The following NNMT variants were observed in gnomAD, a reference collection of about 807,000 sequenced individuals.
The protein encoded by NNMT is nicotinamide N-methyltransferase.
Under a neutral mutation model 11.7 loss-of-function variants are expected in NNMT, and 10 were observed. The ratio of observed to expected loss-of-function variants is 0.85; its 90% confidence interval spans 0.53 to 1.45. The LOEUF (loss-of-function observed/expected upper bound fraction) is 1.45, where lower values mean the gene tolerates loss of function less well. Among genes scored for constraint, NNMT ranks in the 40% most tolerant of loss-of-function variants. NNMT has a pLI of 0.00. For missense variants in NNMT, 381 were observed against 319.4 expected (o/e 1.19, Z -1.47); for synonymous variants, 143 against 133.8 (o/e 1.07, Z -0.48).
chr11:114,276,066 C>T (rs1035062047), intron 2 of NNMT, among the ~76,000 whole-genome samples: 1 of 152,090 alleles, frequency 6.6e-6, no homozygotes. Context: ...GCAGTCCTGC[C>T]CCTGGCCGAC....
At chr11:114,295,692 G>A (rs1277650976), upstream of NNMT, 1 of 152,274 alleles carries the variant, frequency 6.6e-6, no homozygotes, top group East Asian at 1.9e-4. Context: ...GCCTCCCAAA[G>A]TGCTGGGATT....
chr11:114,281,674 A>G (rs1945264515), intron 2 of NNMT, among the ~76,000 whole-genome samples: 1 of 152,146 alleles, frequency 6.6e-6, no homozygotes, highest in Non-Finnish European at 1.5e-5. Context: ...AACCATTTTA[A>G]TAGATACACA....
intron 2 of NNMT, among the ~76,000 whole-genome samples, chr11:114,307,382 C>T (rs1404127597): frequency 6.6e-6 from 1 of 152,160 alleles, no homozygotes; most frequent in Non-Finnish European, 1.5e-5. Flanking sequence ...CCATATCTAA[C>T]TTAACATCAA....
intron 2 of NNMT, among the ~76,000 whole-genome samples, chr11:114,270,073 G>GT (rs1474552705): frequency 6.6e-6 from 1 of 151,884 alleles, no homozygotes; most frequent in Non-Finnish European, 1.5e-5. Flanking sequence ...AGAGTCTTTT[G>GT]TTTTTGTAAT....
intron 2 of NNMT, 121 bp downstream of exon 2, chr11:114,298,279 C>A: frequency 2.5e-6 from 2 of 811,780 alleles, no homozygotes; most frequent in Non-Finnish European, 3.9e-6. Context: ...AACGAGAGAG[C>A]GAGAGCAAGA....
At chr11:114,292,273 G>A (rs965873689), upstream of NNMT, among the ~76,000 whole-genome samples, 2 of 152,178 alleles carry the variant, frequency 1.3e-5, no homozygotes, top group African/African-American at 4.8e-5. Flanking sequence ...GGAAAAGGGT[G>A]TATCTTGAGA....
At position 114,259,853 on chromosome 11, in the gene NNMT, C is replaced by T. The variant is rs117981081; in HGVS notation, c.-217+1975C>T. On this transcript the variant is annotated intron_variant, in intron 1 of 4. Transcript: ENST00000535401. Reference sequence around the variant, plus strand: ...ATAGCAAAGCCACGCTGCGTTCAGCCGCTCCCAACTGTACACCGGCTGGCT... The same window carrying T: ...ATAGCAAAGCCACGCTGCGTTCAGCTGCTCCCAACTGTACACCGGCTGGCT... 5.2e-3 allele frequency among the ~76,000 whole-genome samples: 795 copies of T among 152,268 alleles called. 7 individuals carry two copies. Among genetic ancestry groups the T allele is most frequent in the African/African-American group, 0.015 (633 of 41,530 alleles).
intron 2 of NNMT, among the ~76,000 whole-genome samples, chr11:114,287,615 A>G (rs1401483434): frequency 6.6e-6 from 1 of 152,132 alleles, no homozygotes; most frequent in African/African-American, 2.4e-5. Context: ...CAATCCTACT[A>G]CCAATACTAC....
At chr11:114,285,306 G>A (rs1393684369) in intron 2 of NNMT, among the ~76,000 whole-genome samples, 1 of 152,154 alleles carries the variant, frequency 6.6e-6, no homozygotes, top group Non-Finnish European at 1.5e-5. Context: ...CTCTACGAGA[G>A]GGCACACTGT....
chr11:114,284,306 T>G, intron 2 of NNMT, among the ~76,000 whole-genome samples: 1 of 152,194 alleles, frequency 6.6e-6, no homozygotes, highest in East Asian at 1.9e-4. Context: ...GCCATCTGCC[T>G]GCAATTTACA....
upstream of NNMT, among the ~76,000 whole-genome samples, chr11:114,291,610 G>A (rs781535104): frequency 1.7e-4 from 26 of 152,070 alleles, no homozygotes; most frequent in Non-Finnish European, 3.2e-4. Context: ...CTCAATGCAC[G>A]GCTCATCTCT....
At chr11:114,294,281 C>G (rs2135267676), upstream of NNMT, among the ~76,000 whole-genome samples, 1 of 152,002 alleles carries the variant, frequency 6.6e-6, no homozygotes, top group Middle Eastern at 3.4e-3. Context: ...AGTTCAAGAC[C>G]AGCCTGGCCA....
chr11:114,292,925 A>G (rs990072866), upstream of NNMT, among the ~76,000 whole-genome samples: 2 of 152,180 alleles, frequency 1.3e-5, no homozygotes, highest in African/African-American at 4.8e-5. Context: ...GTAAGGATTC[A>G]ATGTAAGGAA....
chr11:114,289,124 T>C (rs1945318197), intron 2 of NNMT, among the ~76,000 whole-genome samples: 1 of 152,228 alleles, frequency 6.6e-6, no homozygotes, highest in Non-Finnish European at 1.5e-5. Flanking sequence ...TTTATATGTG[T>C]TATATATTTA....
chr11:114,282,791 C>A (rs1355285652), intron 2 of NNMT, among the ~76,000 whole-genome samples: 1 of 152,102 alleles, frequency 6.6e-6, no homozygotes, highest in Non-Finnish European at 1.5e-5. Context: ...CCGAAAGGAC[C>A]ACTGGGGGAG....
intron 2 of NNMT, among the ~76,000 whole-genome samples, chr11:114,272,593 A>G (rs1945178428): frequency 6.6e-6 from 1 of 152,184 alleles, no homozygotes; most frequent in South Asian, 2.1e-4. Flanking sequence ...GCCCCCATAA[A>G]GTCTAAGAGT....
chr11:114,287,856 C>T (rs543705515), intron 2 of NNMT, among the ~76,000 whole-genome samples: 14 of 152,212 alleles, frequency 9.2e-5, no homozygotes, highest in African/African-American at 1.4e-4. Context: ...TGTGGAGTCC[C>T]CCCATCCATG....
At chr11:114,265,872 C>T (rs180906841) in intron 2 of NNMT, among the ~76,000 whole-genome samples, 23 of 152,236 alleles carry the variant, frequency 1.5e-4, no homozygotes, top group African/African-American at 5.5e-4. Flanking sequence ...CGCCAAGTCT[C>T]CTTGTCAACT....
chr11:114,274,139 G>A (rs764744542), intron 2 of NNMT, among the ~76,000 whole-genome samples: 15 of 152,168 alleles, frequency 9.9e-5, no homozygotes, highest in Non-Finnish European at 1.9e-4. Context: ...AAATCTTAGA[G>A]TCTGCATTCC....
Sources: allele counts gnomAD v4.1 joint callset (sites outside exome capture counted in the v4.1 genomes callset), GRCh38; gene constraint gnomAD v4.1.1; transcripts MANE v1.5; gene names NCBI Gene and HGNC (gene_info 2026-07-23, HGNC 2026-07-21).